Variants in GALNT17 observed in about 807,000 individuals in gnomAD.
GALNT17 encodes the protein UDP-GalNAc:polypeptide N-acetylgalactosaminyltransferase-like 3.
A neutral mutation model predicts 63.7 loss-of-function variants in GALNT17; 29 were observed. That is an observed-to-expected ratio of 0.46 (90% CI 0.34 to 0.62). The LOEUF (loss-of-function observed/expected upper bound fraction) is 0.62. Among genes scored for constraint, GALNT17 ranks in the 20% least tolerant of loss-of-function variants. GALNT17 has a pLI of 0.01. For synonymous variants in GALNT17, 305 were observed against 318.3 expected (o/e 0.96, Z 0.45); for missense variants, 603 against 799.6 (o/e 0.75, Z 2.97).
chr7:71,699,856 G>A (rs767811361), intron 9 of GALNT17, among the ~76,000 whole-genome samples: 56 of 151,992 alleles, frequency 3.7e-4, no homozygotes, highest in Admixed American at 9.8e-4. Flanking sequence ...TCACGTATGC[G>A]CAGGAGTTGG....
chr7:71,454,883 G>C (rs957818702), intron 5 of GALNT17, among the ~76,000 whole-genome samples: 2 of 152,074 alleles, frequency 1.3e-5, no homozygotes, highest in Non-Finnish European at 2.9e-5. Context: ...AAGGAATCCT[G>C]GGCCAGGCAT....
At chr7:71,619,353 A>G (rs1790260123) in intron 6 of GALNT17, among the ~76,000 whole-genome samples, 1 of 152,242 alleles carries the variant, frequency 6.6e-6, no homozygotes, top group African/African-American at 2.4e-5. Flanking sequence ...TTTAATAGGA[A>G]TAACATTGAA....
Position 71,436,711 on chromosome 7 carries a change from T to C in GALNT17, c.962+15606T>C, listed in dbSNP as rs139368592. ...TCCAGCCTGGGCGACAGAGCGAGAC[T>C]CCATCTCAAAAAAAAAATAAAAAAT... On this transcript the variant is annotated intron_variant, in intron 5 of 10. Coordinates refer to ENST00000333538, the MANE Select transcript of GALNT17 (RefSeq NM_022479.3). Among the ~76,000 whole-genome samples, 1,186 of 149,682 alleles carry C rather than the reference T, an allele frequency of 7.9e-3. 11 individuals carry two copies. The highest frequency in any genetic ancestry group is 0.028 in the African/African-American group (1,144 of 40,870).
At chr7:71,300,542 T>C (rs1467017525) in intron 1 of GALNT17, 2 of 392,838 alleles carry the variant, frequency 5.1e-6, no homozygotes, top group Non-Finnish European at 5.1e-6. Flanking sequence ...GAAACAGCTG[T>C]TCTTCCTAGC....
In GALNT17 at chr7:71,613,605, T is replaced by C. The variant is rs113942569; in HGVS notation, c.1080+42203T>C. Reference sequence around the variant, plus strand: ...CATTGCATTCTGTCTCCTCTGCTGGTCAGAGGCTTATGTCTGGGTATTTTT... The same window carrying C: ...CATTGCATTCTGTCTCCTCTGCTGGCCAGAGGCTTATGTCTGGGTATTTTT... On this transcript the variant is annotated intron_variant, in intron 6 of 10. Transcript: ENST00000333538. Among the ~76,000 whole-genome samples the C allele has an allele frequency of 5.9e-3, 894 of 152,250 alleles. 7 individuals are homozygous for C. Among genetic ancestry groups the C allele is most frequent in the African/African-American group, 0.02 (829 of 41,530 alleles).
intron 5 of GALNT17, among the ~76,000 whole-genome samples, chr7:71,509,252 A>G (rs1354319714): frequency 6.6e-6 from 1 of 152,214 alleles, no homozygotes; most frequent in East Asian, 1.9e-4. Flanking sequence ...CGGCTAATGT[A>G]AGTGTTCTGA....
intron 5 of GALNT17, among the ~76,000 whole-genome samples, chr7:71,498,716 G>C (rs1563137759): frequency 6.6e-6 from 1 of 152,314 alleles, no homozygotes; most frequent in East Asian, 1.9e-4. Context: ...CTGGGGAGTA[G>C]AGGACGCTTT....
chr7:71,291,474 C>T (rs1416540061), intron 1 of GALNT17, among the ~76,000 whole-genome samples: 3 of 152,142 alleles, frequency 2.0e-5, no homozygotes, highest in Non-Finnish European at 4.4e-5. Flanking sequence ...AACTGTCTAA[C>T]AATATTCAGT....
intron 1 of GALNT17, among the ~76,000 whole-genome samples, chr7:71,307,306 T>C (rs1791323125): frequency 6.6e-6 from 1 of 152,250 alleles, no homozygotes; most frequent in East Asian, 1.9e-4. Context: ...CTTGTTATTT[T>C]GTTTTCTTGA....
At chr7:71,551,695 G>A (rs1191531767) in intron 5 of GALNT17, among the ~76,000 whole-genome samples, 3 of 151,304 alleles carry the variant, frequency 2.0e-5, no homozygotes, top group Non-Finnish European at 4.4e-5. Flanking sequence ...GAGGTTGACG[G>A]TACATTGAGC....
intron 3 of GALNT17, among the ~76,000 whole-genome samples, chr7:71,412,831 C>T (rs1793454599): frequency 6.6e-6 from 1 of 152,096 alleles, no homozygotes; most frequent in African/African-American, 2.4e-5. Context: ...TCACTTGAGG[C>T]CAAGAGTTCG....
intron 5 of GALNT17, among the ~76,000 whole-genome samples, chr7:71,433,982 G>A (rs999131755): frequency 7.2e-5 from 11 of 152,290 alleles, no homozygotes; most frequent in African/African-American, 2.6e-4. Flanking sequence ...GATTGGCTGA[G>A]TCTTCTGGCC....
At chr7:71,330,281 G>A (rs1464597414) in intron 1 of GALNT17, among the ~76,000 whole-genome samples, 1 of 152,210 alleles carries the variant, frequency 6.6e-6, no homozygotes. Flanking sequence ...CCAAAGTGCT[G>A]GGATTACAGG....
chr7:71,199,169 G>A (rs10273950), intron 1 of GALNT17, among the ~76,000 whole-genome samples: 2,023 of 152,232 alleles, frequency 0.013, 41 homozygotes, highest in African/African-American at 0.046. Flanking sequence ...TGATTAGGTG[G>A]CCAAGGGGGT....
rs116718936 is a variant in GALNT17, at chr7:71,513,156, C to T, written c.963-58129C>T. ...GGCCGTTCCCTAGGAGTCAAGGAAC[C>T]CTGAATTCCAACTTTTATTCCTCTC... On this transcript the variant is annotated intron_variant, in intron 5 of 10. Transcript: ENST00000333538. Among the ~76,000 whole-genome samples the T allele has an allele frequency of 3.5e-3, 538 of 152,154 alleles. 3 individuals are homozygous for T. The highest frequency in any genetic ancestry group is 0.012 in the African/African-American group (501 of 41,498).
At chr7:71,299,161 G>C (rs1161466899) in intron 1 of GALNT17, among the ~76,000 whole-genome samples, 1 of 152,168 alleles carries the variant, frequency 6.6e-6, no homozygotes, top group African/African-American at 2.4e-5. Flanking sequence ...CTGCGGGGAG[G>C]CAGCTGGAGA....
rs375071549 is a variant in GALNT17 at position 71,431,714 on chromosome 7, G to A, written c.962+10609G>A. ...TTGCCAGCTGGAGGAGATTTTTACC[G>A]GCTGAGTATATGCAAGATAACACAA... On this transcript the variant is annotated intron_variant, in intron 5 of 10. Coordinates refer to ENST00000333538, the MANE Select transcript of GALNT17 (RefSeq NM_022479.3). Among the ~76,000 whole-genome samples the A allele has an allele frequency of 2.5e-4, 38 of 152,170 alleles. No homozygotes were observed. In the East Asian group the frequency reaches 4.1e-3, roughly 16 times the overall value.
intron 5 of GALNT17, among the ~76,000 whole-genome samples, chr7:71,483,536 CTT>C (rs1787857900): frequency 6.6e-6 from 1 of 151,716 alleles, no homozygotes; most frequent in South Asian, 2.1e-4. Flanking sequence ...TGGAGGTAGA[CTT>C]TGTAAACACT....
chr7:71,506,874 G>A (rs576206254), intron 5 of GALNT17, among the ~76,000 whole-genome samples: 2 of 152,324 alleles, frequency 1.3e-5, no homozygotes, highest in South Asian at 4.1e-4. Flanking sequence ...GCCATTGAAA[G>A]TAATGGCAAA....
Sources: allele counts gnomAD v4.1 joint callset (sites outside exome capture counted in the v4.1 genomes callset), GRCh38; gene constraint gnomAD v4.1.1; transcripts MANE v1.5; gene names NCBI Gene and HGNC (gene_info 2026-07-23, HGNC 2026-07-21).